Variants in AKNA observed in about 807,000 individuals in gnomAD.
AKNA encodes microtubule organization protein AKNA.
In AKNA, 67 loss-of-function variants were observed where a neutral mutation model predicts 138.8. The observed-to-expected ratio is 0.48, with a 90% confidence interval of 0.40 to 0.59. The LOEUF is 0.59. AKNA is among the 20% of genes least tolerant of loss of function. AKNA has a pLI of 0.00. For synonymous variants in AKNA, 737 were observed against 754.4 expected, an observed-to-expected ratio of 0.98 and a Z score of 0.38; for missense variants, 1,813 against 1,880.4, an observed-to-expected ratio of 0.96 and a Z score of 0.66.
intron 1 of AKNA, among the ~76,000 whole-genome samples, chr9:114,394,199 A>G (rs555728219): frequency 6.6e-6 from 1 of 152,084 alleles, no homozygotes; most frequent in Non-Finnish European, 1.5e-5. Context: ...GTTTACAATC[A>G]TTATCACTAG....
At chr9:114,331,073 T>C (rs1048294087), downstream of AKNA, among the ~76,000 whole-genome samples, 1 of 152,020 alleles carries the variant, frequency 6.6e-6, no homozygotes, top group Non-Finnish European at 1.5e-5. Flanking sequence ...TCAAATAGTT[T>C]CCCCAAGGTC....
chr9:114,382,777 T>C (rs1224086909), intron 1 of AKNA, among the ~76,000 whole-genome samples: 1 of 152,056 alleles, frequency 6.6e-6, no homozygotes. Context: ...CCAGGCAAGG[T>C]AACTCCTTGG....
chr9:114,376,562 G>A lies in AKNA; in HGVS notation c.1245C>T (p.Ala415=). The change falls in exon 3 of 22, where the codon GCC becomes GCT. Residue 415 remains alanine, a synonymous_variant. Coordinates refer to ENST00000374088, the MANE Select transcript of AKNA (RefSeq NM_001317950.2). ...GGGCAGGAGGCGTGTCCTTTGCCAG[G>A]GCTGCTTCTCCACTGCTCAACAGCA... is the stretch of plus-strand genomic sequence containing the variant. ...QEVLLSSGEA[A]LAKDTPPAHP... The A allele has an allele frequency of 6.2e-7, 1 of 1,614,086 alleles. No homozygotes were observed. Among genetic ancestry groups the A allele is most frequent in the Non-Finnish European group, 8.5e-7 (1 of 1,180,006 alleles).
chr9:114,376,599 A>G lies in AKNA; in HGVS notation c.1208T>C (p.Ile403Thr). The change falls in exon 3 of 22, where the codon ATT becomes ACT. Residue 403 changes from isoleucine to threonine, a missense_variant. Ile to Thr is a moderately conservative substitution (Grantham distance 89). Transcript: ENST00000374088. ...ACTGCTCAACAGCACCTCCTGCACA[A>G]TCTCAGCTGGAGACTTGAAGATGAG... ...RPLIFKSPAEIVQEVLLSSGE... is the reference protein window; with the variant it reads ...RPLIFKSPAETVQEVLLSSGE... 6.2e-7 allele frequency: 1 copy of G among 1,614,056 alleles called. No homozygotes were observed. The highest frequency in any genetic ancestry group is 8.5e-7 in the Non-Finnish European group (1 of 1,180,000).
chr9:114,361,626 A>C, intron 9 of AKNA, 78 bp downstream of exon 9: 15 of 1,450,632 alleles, frequency 1.0e-5, no homozygotes, highest in Non-Finnish European at 1.4e-5. Context: ...ATAAATATGT[A>C]ATACGTATTG....
chr9:114,341,415 G>T (rs2131780126), intron 21 of AKNA, 118 bp downstream of exon 21: 2 of 1,275,318 alleles, frequency 1.6e-6, no homozygotes, highest in Non-Finnish European at 2.2e-6. Context: ...TGTTATCCAC[G>T]CAGGGATAAA....
rs1470255810 is a variant in AKNA, at chr9:114,362,513, A to G, written c.1809T>C (p.Ala603=). 2.5e-6 allele frequency: 4 copies of G among 1,613,272 alleles called. No individual in the cohort carries two copies. The highest frequency in any genetic ancestry group is 3.4e-6 in the Non-Finnish European group (4 of 1,179,844). The change falls in exon 8 of 22, where the codon GCT becomes GCC. Residue 603 remains alanine (A), a synonymous_variant. Coordinates refer to ENST00000374088, the MANE Select transcript of AKNA (RefSeq NM_001317950.2). The stretch of plus-strand genomic sequence containing the variant: ...ACTCCTCCTCTAGGGCCGCGTGGGC[A>G]GCCTTCAGCCGCTGGAAGCCCTGAA... ...DQVKGFQRLK[A]AHAALEEEYL...
At chr9:114,359,391 G>T in intron 11 of AKNA, 1 of 999,122 alleles carries the variant, frequency 1.0e-6, no homozygotes, top group Non-Finnish European at 1.4e-6. Flanking sequence ...CTTTAATACT[G>T]CATGTGTCCT....
chr9:114,378,920 G>A (rs1833436453), intron 2 of AKNA, among the ~76,000 whole-genome samples: 1 of 152,246 alleles, frequency 6.6e-6, no homozygotes, highest in Admixed American at 6.5e-5. Context: ...TCAGGCAGAT[G>A]CACCTTTGTC....
chr9:114,365,188 G>C (rs532214738), intron 6 of AKNA, among the ~76,000 whole-genome samples: 22 of 152,318 alleles, frequency 1.4e-4, no homozygotes, highest in African/African-American at 4.6e-4. Context: ...AAGGAGAACT[G>C]GGTGGCTGGA....
intron 2 of AKNA, among the ~76,000 whole-genome samples, chr9:114,380,009 G>A (rs1833523174): frequency 6.6e-6 from 1 of 152,006 alleles, no homozygotes; most frequent in Admixed American, 6.6e-5. Flanking sequence ...AAATTAGCTG[G>A]GTGTGGTGGC....
chr9:114,374,742 A>G (rs1440634935), intron 3 of AKNA, among the ~76,000 whole-genome samples: 1 of 152,214 alleles, frequency 6.6e-6, no homozygotes, highest in Non-Finnish European at 1.5e-5. Context: ...AAGGAAAAGC[A>G]TGTCACCTTT....
rs756354272 is a variant in AKNA at position 114,357,993 on chromosome 9, G to T, written c.2667C>A (p.Ser889Arg). Residue 889 changes from serine to arginine, a missense_variant, in exon 12 of 22, where the codon AGC becomes AGA. Transcript: ENST00000374088. ...SAASHQSSMT[S>R]LEGSGISERL... Reference sequence around the variant, plus strand: ...GCTCAGAGATGCCGCTTCCCTCCAGGCTGGTCATACTACTTTGGTGGGATG... The same window carrying T: ...GCTCAGAGATGCCGCTTCCCTCCAGTCTGGTCATACTACTTTGGTGGGATG... The T allele has an allele frequency of 6.2e-6, 10 of 1,607,094 alleles. No individual in the cohort carries two copies. In the African/African-American group the frequency reaches 9.4e-5, roughly 15 times the overall value.
chr9:114,363,641 T>A (rs1832129528), intron 7 of AKNA, among the ~76,000 whole-genome samples: 1 of 152,138 alleles, frequency 6.6e-6, no homozygotes. Flanking sequence ...TTCTCTCAGC[T>A]CCTCTCCCAC....
upstream of AKNA, chr9:114,394,492 C>A (rs1222332907): frequency 6.6e-6 from 1 of 152,178 alleles, no homozygotes; most frequent in Non-Finnish European, 1.5e-5. Flanking sequence ...AACCCCCACA[C>A]CTTCTCCTCC....
downstream of AKNA, chr9:114,330,668 T>G: frequency 1.2e-6 from 2 of 1,600,472 alleles, no homozygotes; most frequent in East Asian, 2.2e-5. Flanking sequence ...GGCCTTCCCA[T>G]GGGTGGAACC....
rs759025897 is a variant in AKNA at position 114,376,451 on chromosome 9, A to G, written c.1341+15T>C. On this transcript the variant is annotated intron_variant, in intron 3 of 21. Coordinates refer to ENST00000374088, the MANE Select transcript of AKNA (RefSeq NM_001317950.2). ...GGGCCTTGGTGACACATCCACAGCC[A>G]TGAGTCCCACTAACCTGGAGCTGAT... 1.2e-6 allele frequency: 2 copies of G among 1,613,478 alleles called. No individual in the cohort carries two copies. Among genetic ancestry groups the G allele is most frequent in the African/African-American group, 2.7e-5 (2 of 74,780 alleles).
chr9:114,331,049 T>G (rs575916824), downstream of AKNA, among the ~76,000 whole-genome samples: 18 of 152,042 alleles, frequency 1.2e-4, no homozygotes, highest in South Asian at 1.5e-3. Flanking sequence ...TGAGGAAACA[T>G]AAGAACAGAG....
chr9:114,331,325 A>C (rs1829847398), downstream of AKNA, among the ~76,000 whole-genome samples: 1 of 152,066 alleles, frequency 6.6e-6, no homozygotes, highest in Non-Finnish European at 1.5e-5. Flanking sequence ...CCTCCTCTGT[A>C]AAACGGGGAG....
Sources: gnomAD v4.1 joint callset for allele counts (sites outside exome capture counted in the v4.1 genomes callset) on GRCh38, gnomAD v4.1.1 for gene constraint, MANE v1.5 for transcripts, NCBI Gene and HGNC (gene_info 2026-07-23, HGNC 2026-07-21) for gene names.